CP: variants seen among roughly 807,000 people sequenced by gnomAD.
CP encodes the protein ceruloplasmin.
A neutral mutation model predicts 122.4 loss-of-function variants in CP; 64 were observed. The ratio of observed to expected loss-of-function variants is 0.52; its 90% CI spans 0.43 to 0.64. CP has a LOEUF of 0.64. Ranked by LOEUF, CP falls within the 30% of genes least tolerant of loss-of-function variation. CP has a pLI of 0.00. For missense variants in CP, 1,167 were observed against 1,284.4 expected (o/e 0.91, Z 1.40); for synonymous variants, 440 against 436.4 (o/e 1.01, Z -0.10).
At position 149,199,698 on chromosome 3, in the gene CP, T is replaced by C. The variant is rs1727168024; in HGVS notation, c.1501+14A>G. ...TAAACATTGTTGATTTGTTACACAG[T>C]GCTGTATACTCACTTCTGCTCTGGG... is the stretch of plus-strand genomic sequence containing the variant. On this transcript the variant is annotated intron_variant, in intron 8 of 18. Coordinates refer to ENST00000264613, the MANE Select transcript of CP (RefSeq NM_000096.4). The C allele has an allele frequency of 6.2e-7, 1 of 1,613,746 alleles. No individual in the cohort carries two copies. Among genetic ancestry groups the C allele is most frequent in the South Asian group, 1.1e-5 (1 of 91,082 alleles).
intron 9 of CP, among the ~76,000 whole-genome samples, chr3:149,191,160 G>A (rs921318170): frequency 4.6e-5 from 7 of 151,464 alleles, no homozygotes; most frequent in Admixed American, 2.6e-4. Flanking sequence ...TTGCAAGGCT[G>A]CCTTTTTGAA....
chr3:149,166,437 A>G (rs1559926407), intron 4 of CP, among the ~76,000 whole-genome samples: 1 of 152,214 alleles, frequency 6.6e-6, no homozygotes, highest in Non-Finnish European at 1.5e-5. Flanking sequence ...TGCTCTTCCG[A>G]CAGTATTTCT....
intron 7 of CP, among the ~76,000 whole-genome samples, chr3:149,200,658 C>T (rs924350275): frequency 2.6e-4 from 40 of 151,914 alleles, no homozygotes; most frequent in Admixed American, 9.8e-4. Flanking sequence ...CTCGCCACCA[C>T]GCCATTCTCA....
Position 149,206,163 on chromosome 3 carries a change from A to G in CP, c.1208+5T>C. 1.2e-6 allele frequency: 2 copies of G among 1,613,330 alleles called. No homozygotes were observed. The highest frequency in any genetic ancestry group is 1.7e-6 in the Non-Finnish European group (2 of 1,179,452). ...TTGAAATAGTACTCTTTTTTTGTAAATTACCTTCCAGGTGCTGTTAAGTTT... is the reference window on the plus strand; with the variant it reads ...TTGAAATAGTACTCTTTTTTTGTAAGTTACCTTCCAGGTGCTGTTAAGTTT... On this transcript the variant is annotated splice_donor_5th_base_variant and intron_variant, in intron 6 of 18. Coordinates refer to ENST00000264613, the MANE Select transcript of CP (RefSeq NM_000096.4).
At chr3:149,180,298 C>T (rs973655117) in intron 14 of CP, among the ~76,000 whole-genome samples, 5 of 152,186 alleles carry the variant, frequency 3.3e-5, no homozygotes, top group African/African-American at 4.8e-5. Flanking sequence ...CTCCCACATA[C>T]AGGACATAAC....
chr3:149,203,680 A>C (rs543805504), intron 6 of CP, among the ~76,000 whole-genome samples: 1 of 152,364 alleles, frequency 6.6e-6, no homozygotes, highest in African/African-American at 2.4e-5. Flanking sequence ...TGACTTGCGC[A>C]AAGCCACCTC....
intron 6 of CP, 70 bp from the exon 7 acceptor site, chr3:149,202,311 C>T: frequency 1.9e-6 from 3 of 1,601,430 alleles, no homozygotes; most frequent in Non-Finnish European, 2.6e-6. Flanking sequence ...ACTTAAGGTG[C>T]TAATTGAAGA....
At chr3:149,190,869 T>A (rs1426337477) in intron 9 of CP, among the ~76,000 whole-genome samples, 1 of 152,166 alleles carries the variant, frequency 6.6e-6, no homozygotes, top group Non-Finnish European at 1.5e-5. Flanking sequence ...CTAAACTAAT[T>A]TCATTTATAA....
Position 149,210,167 on chromosome 3 carries a change from C to G in CP, c.607G>C (p.Asp203His). Residue 203 changes from aspartate to histidine, a missense_variant and splice_region_variant, in exon 3 of 19, where the codon GAT becomes CAT. Coordinates refer to ENST00000264613, the MANE Select transcript of CP (RefSeq NM_000096.4). The stretch of plus-strand genomic sequence containing the variant: ...CATGTGCAATAAGGAGAAGATGTAC[C>G]TTTTTTACAGATTATTAAAGGTCCG... Reference protein sequence around the residue: ...LIGPLIICKKDSLDKEKEKHI... With the variant: ...LIGPLIICKKHSLDKEKEKHI... The G allele has an allele frequency of 6.2e-7, 1 of 1,613,762 alleles. No homozygotes were observed. The highest frequency in any genetic ancestry group is 2.2e-5 in the East Asian group (1 of 44,864).
downstream of CP, chr3:149,167,870 T>G (rs1262900495): frequency 2.1e-6 from 3 of 1,416,944 alleles, no homozygotes; most frequent in Admixed American, 1.7e-5. Context: ...AAACTAAAAT[T>G]TATTCATTTT....
chr3:149,188,206 TAA>T lies in CP; in HGVS notation c.1714-6_1714-5del. The stretch of plus-strand genomic sequence containing the variant: ...AGAATTCCTTGTCTACATCTTTCTG[TAA>T]ATCAAAACAAAATGAGATGGAGACA... On this transcript the variant is annotated splice_polypyrimidine_tract_variant and splice_region_variant and intron_variant, in intron 9 of 18. Coordinates refer to ENST00000264613, the MANE Select transcript of CP (RefSeq NM_000096.4). 1 of 1,609,378 alleles carries T rather than the reference TAA, an allele frequency of 6.2e-7. No individual in the cohort carries two copies. Among genetic ancestry groups the T allele is most frequent in the Admixed American group, 1.7e-5 (1 of 59,934 alleles).
chr3:149,183,138 G>A (rs1725894685), intron 13 of CP, among the ~76,000 whole-genome samples: 1 of 152,094 alleles, frequency 6.6e-6, no homozygotes, highest in East Asian at 1.9e-4. Context: ...GCGACAGAGT[G>A]AGACTCTGTC....
rs200961218 is a variant in CP at position 149,212,309 on chromosome 3, T to TA, written c.394+141dup. Reference sequence around the variant, plus strand: ...CTGGGTGACAGAAGTCAAAAAAAATTAAAAAAAAATAAAAAAAAAATAGTT... The same window carrying TA: ...CTGGGTGACAGAAGTCAAAAAAAATTAAAAAAAAAATAAAAAAAAAATAGTT... On this transcript the variant is annotated intron_variant, in intron 2 of 18. Transcript: ENST00000264613. 549 of 831,952 alleles carry TA rather than the reference T, an allele frequency of 6.6e-4. 1 individual carries two copies. The highest frequency in any genetic ancestry group is 1.1e-3 in the Admixed American group (34 of 30,448). The allele number at this position is 831,952 out of a possible 1,614,324, so 51.5% of individuals were successfully genotyped here. A position where few individuals can be genotyped will look rare whatever the true frequency, so the allele number is the denominator to read the frequency against.
chr3:149,163,860 T>C (rs771530969), intron 5 of CP: 1 of 1,562,590 alleles, frequency 6.4e-7, no homozygotes, highest in African/African-American at 1.3e-5. Flanking sequence ...CTGTAGTCAT[T>C]ATGGCTTAAT....
chr3:149,205,507 GATGA>G lies in CP; in HGVS notation c.1208+657_1208+660del, dbSNP rs35551942. Among the ~76,000 whole-genome samples, 1,192 of 152,062 alleles carry G rather than the reference GATGA, an allele frequency of 7.8e-3. 5 individuals carry two copies. Among genetic ancestry groups the G allele is most frequent in the Middle Eastern group, 0.017 (5 of 294 alleles). ...GAAATGACCCAAATGTTTATCAACA[GATGA>G]ATGAATAAACAAAATATGGTATATA... On this transcript the variant is annotated intron_variant, in intron 6 of 18. Transcript: ENST00000264613.
intron 8 of CP, 75 bp from the exon 9 acceptor site, chr3:149,198,653 T>C: frequency 7.1e-6 from 9 of 1,273,374 alleles, no homozygotes; most frequent in Non-Finnish European, 1.0e-5. Flanking sequence ...GTAGACTAAG[T>C]TTAGTCTAGA....
chr3:149,202,274 T>C lies in CP; in HGVS notation c.1209-33A>G, dbSNP rs781657103. ...GGGAAAAAAGTGTTTAATGCTGGGG[T>C]TGAAGTAGAACAGAAAGCAGGTATT... On this transcript the variant is annotated intron_variant, in intron 6 of 18. Transcript: ENST00000264613. 13 of 1,613,716 alleles carry C rather than the reference T, an allele frequency of 8.1e-6. No individual in the cohort carries two copies. The East Asian group carries it at 1.3e-4, about 17-fold the overall frequency.
At chr3:149,187,174 G>A (rs953958272) in intron 10 of CP, among the ~76,000 whole-genome samples, 46 of 152,238 alleles carry the variant, frequency 3.0e-4, no homozygotes, top group African/African-American at 1.0e-3. Flanking sequence ...AAGGTCATAT[G>A]TAGGAGGTTT....
rs773728441 is a variant in CP at position 149,162,451 on chromosome 3, A to G, written c.*438T>C. On this transcript the variant is annotated 3_prime_UTR_variant, in exon 6 of 6. Coordinates refer to the CP transcript ENST00000479771. ...TTGTTTATTGAAAAAACAGACATAC[A>G]TAATCAGTTTATAAGATAAAAGTAC... 8 of 982,666 alleles carry G rather than the reference A, an allele frequency of 8.1e-6. No individual in the cohort carries two copies. The South Asian group carries it at 9.5e-5, about 12-fold the overall frequency. The allele number at this position is 982,666 out of a possible 1,614,324, so 60.9% of individuals were successfully genotyped here. A position where few individuals can be genotyped will look rare whatever the true frequency, so the allele number is the denominator to read the frequency against.
Sources: allele counts gnomAD v4.1 joint callset (sites outside exome capture counted in the v4.1 genomes callset), GRCh38; gene constraint gnomAD v4.1.1; transcripts MANE v1.5; gene names NCBI Gene and HGNC (gene_info 2026-07-23, HGNC 2026-07-21).